Variants in CD86 observed in about 807,000 individuals in gnomAD.
The protein encoded by CD86 is T-lymphocyte activation antigen CD86.
CD86 carries 11 observed loss-of-function variants against 32.1 expected under a neutral mutation model. The ratio of observed to expected loss-of-function variants is 0.34; its 90% CI spans 0.22 to 0.57. The LOEUF (loss-of-function observed/expected upper bound fraction) is 0.57. Among genes scored for constraint, CD86 ranks in the 20% least tolerant of loss-of-function variants. The probability of loss-of-function intolerance (pLI) is 0.86; values close to 1 mark genes in which losing one functional copy is unlikely to be tolerated. For synonymous variants in CD86, 137 were observed against 135.3 expected (o/e 1.01, Z -0.09); for missense variants, 359 against 398.4 (o/e 0.90, Z 0.84).
At chr3:122,081,937 G>A (rs964579963) in intron 1 of CD86, among the ~76,000 whole-genome samples, 4 of 152,192 alleles carry the variant, frequency 2.6e-5, no homozygotes, top group African/African-American at 9.7e-5. Flanking sequence ...CCCAGACAGG[G>A]ATCCTTTAAA....
intron 5 of CD86, 46 bp downstream of exon 5, chr3:122,109,454 C>T (rs1417912234): frequency 8.7e-6 from 14 of 1,608,042 alleles, no homozygotes; most frequent in Non-Finnish European, 1.1e-5. Context: ...TTTGCACCTA[C>T]TTCCCAATCG....
At chr3:122,083,474 C>T (rs1482292655) in intron 1 of CD86, among the ~76,000 whole-genome samples, 4 of 152,172 alleles carry the variant, frequency 2.6e-5, no homozygotes, top group Admixed American at 2.6e-4. Context: ...CTCCCAAGCC[C>T]TTCACCTACT....
intron 1 of CD86, among the ~76,000 whole-genome samples, chr3:122,085,953 T>A (rs1012219524): frequency 8.5e-5 from 13 of 152,184 alleles, no homozygotes; most frequent in Non-Finnish European, 1.6e-4. Flanking sequence ...GAGGCCGACC[T>A]AATCCTTCCT....
intron 4 of CD86, 119 bp downstream of exon 4, chr3:122,106,619 GT>G: frequency 2.3e-6 from 2 of 862,572 alleles, no homozygotes; most frequent in Non-Finnish European, 3.6e-6. Flanking sequence ...TTATGACGCT[GT>G]TAGGAAGGAC....
chr3:122,070,838 T>C (rs2072479130), intron 1 of CD86, among the ~76,000 whole-genome samples: 1 of 152,200 alleles, frequency 6.6e-6, no homozygotes, highest in Non-Finnish European at 1.5e-5. Flanking sequence ...ACATGTGGAC[T>C]GTGAAATTGA....
chr3:122,102,406 C>CA (rs1291013515), intron 2 of CD86, among the ~76,000 whole-genome samples: 61 of 56,134 alleles, frequency 1.1e-3, no homozygotes, highest in African/African-American at 4.8e-3. Context: ...CCACTGCTTA[C>CA]TTTTTTTTTT....
chr3:122,087,009 A>C (rs2072733552), intron 1 of CD86, among the ~76,000 whole-genome samples: 1 of 152,212 alleles, frequency 6.6e-6, no homozygotes, highest in African/African-American at 2.4e-5. Context: ...GACCTCTCTG[A>C]GACTCCATTC....
chr3:122,058,980 T>C (rs2072283528), intron 1 of CD86, among the ~76,000 whole-genome samples: 3 of 152,110 alleles, frequency 2.0e-5, no homozygotes, highest in African/African-American at 7.2e-5. Flanking sequence ...AGGAGAGATC[T>C]AAGTGCATAG....
intron 1 of CD86, among the ~76,000 whole-genome samples, chr3:122,068,675 C>T (rs906382297): frequency 3.9e-5 from 6 of 152,134 alleles, no homozygotes; most frequent in Non-Finnish European, 8.8e-5. Context: ...TTTAAATGTG[C>T]TGCTGTATAT....
chr3:122,090,259 C>T (rs1015748923), intron 1 of CD86, among the ~76,000 whole-genome samples: 2 of 152,162 alleles, frequency 1.3e-5, no homozygotes, highest in African/African-American at 4.8e-5. Context: ...GCCCAATGTC[C>T]TGCACTGGGT....
At chr3:122,083,446 G>A (rs186897725) in intron 1 of CD86, among the ~76,000 whole-genome samples, 6 of 152,108 alleles carry the variant, frequency 3.9e-5, no homozygotes, top group Admixed American at 2.0e-4. Context: ...TCCCTTTGCC[G>A]AGAACTCTTC....
chr3:122,099,232 G>T (rs1469694358), intron 2 of CD86, among the ~76,000 whole-genome samples: 1 of 151,768 alleles, frequency 6.6e-6, no homozygotes, highest in Non-Finnish European at 1.5e-5. Context: ...GCCAACACTT[G>T]CATTTGACAC....
chr3:122,107,242 G>T (rs1033005136), intron 4 of CD86, among the ~76,000 whole-genome samples: 4 of 152,134 alleles, frequency 2.6e-5, no homozygotes, highest in Non-Finnish European at 4.4e-5. Flanking sequence ...GGAGGGGAGG[G>T]CATTCTGGAT....
chr3:122,090,476 C>T (rs2072797752), intron 1 of CD86, among the ~76,000 whole-genome samples: 1 of 152,142 alleles, frequency 6.6e-6, no homozygotes, highest in Admixed American at 6.5e-5. Flanking sequence ...TGTTAAAAAG[C>T]TATAAGCCAA....
In CD86 at chr3:122,118,331, C is replaced by T. The variant is rs116614405; in HGVS notation, c.893+238C>T. ...AGCTCTGTCATGGTCAAGTAAAAGT[C>T]AATACCAAAGACTTCAGAGGTGGTG... On this transcript the variant is annotated intron_variant, in intron 6 of 6. Coordinates refer to ENST00000330540, the MANE Select transcript of CD86 (RefSeq NM_175862.5). Among the ~76,000 whole-genome samples the T allele has an allele frequency of 2.6e-3, 390 of 152,314 alleles. 1 individual carries two copies. Among genetic ancestry groups the T allele is most frequent in the African/African-American group, 8.7e-3 (360 of 41,568 alleles).
intron 1 of CD86, among the ~76,000 whole-genome samples, chr3:122,080,229 G>A (rs1049326434): frequency 1.3e-5 from 2 of 152,194 alleles, no homozygotes; most frequent in African/African-American, 4.8e-5. Flanking sequence ...GAGCCCTCGA[G>A]TGGATGAGCA....
chr3:122,089,861 T>A (rs2072784695), intron 1 of CD86, among the ~76,000 whole-genome samples: 1 of 152,256 alleles, frequency 6.6e-6, no homozygotes, highest in Non-Finnish European at 1.5e-5. Flanking sequence ...ACTTTTAGCA[T>A]GAGGATACTC....
intron 1 of CD86, among the ~76,000 whole-genome samples, chr3:122,076,884 T>C (rs1481396326): frequency 6.6e-6 from 1 of 152,240 alleles, no homozygotes; most frequent in South Asian, 2.1e-4. Flanking sequence ...GTTCAATAAC[T>C]GGCCCAGGGT....
At chr3:122,100,656 A>C (rs1487421504) in intron 2 of CD86, among the ~76,000 whole-genome samples, 2 of 152,178 alleles carry the variant, frequency 1.3e-5, no homozygotes, top group Admixed American at 6.5e-5. Context: ...ACAGTTTTTG[A>C]GTGGCATTCC....
Sources: gnomAD v4.1 joint callset for allele counts (sites outside exome capture counted in the v4.1 genomes callset) on GRCh38, gnomAD v4.1.1 for gene constraint, MANE v1.5 for transcripts, NCBI Gene and HGNC (gene_info 2026-07-23, HGNC 2026-07-21) for gene names.